ROBO2: variants seen among roughly 807,000 people sequenced by gnomAD.
The protein encoded by ROBO2 is roundabout guidance receptor 2, also known as roundabout homolog 2.
A neutral mutation model predicts 160.8 loss-of-function variants in ROBO2; 53 were observed. The ratio of observed to expected loss-of-function variants is 0.33; its 90% confidence interval spans 0.26 to 0.41. ROBO2 has a LOEUF of 0.41. Among genes scored for constraint, ROBO2 ranks in the 10% least tolerant of loss-of-function variants. The pLI is 1.00. For missense variants in ROBO2, 1,577 were observed against 1,722.4 expected (o/e 0.92, Z 1.49); for synonymous variants, 664 against 611.7 (o/e 1.09, Z -1.26).
chr3:76,430,700 CTG>C (rs557190141), intron 2 of ROBO2, among the ~76,000 whole-genome samples: 132 of 152,080 alleles, frequency 8.7e-4, no homozygotes, highest in African/African-American at 3.1e-3. Flanking sequence ...ATGAAAATCT[CTG>C]TAAAAACAGT....
chr3:77,015,433 C>CTT (rs1274741273), intron 2 of ROBO2, among the ~76,000 whole-genome samples: 1 of 152,160 alleles, frequency 6.6e-6, no homozygotes, highest in African/African-American at 2.4e-5. Flanking sequence ...CATTTTTACT[C>CTT]TGTCTCCTTG....
intron 2 of ROBO2, among the ~76,000 whole-genome samples, chr3:77,397,318 G>T (rs1237059714): frequency 6.6e-6 from 1 of 152,102 alleles, no homozygotes; most frequent in Admixed American, 6.6e-5. Flanking sequence ...ACTCCTTTAT[G>T]GTTTCTAGAA....
chr3:75,945,669 T>G (rs539747977), intron 2 of ROBO2, among the ~76,000 whole-genome samples: 1 of 152,286 alleles, frequency 6.6e-6, no homozygotes, highest in East Asian at 1.9e-4. Flanking sequence ...TTTATCTTTT[T>G]ATATTTTTCA....
intron 2 of ROBO2, among the ~76,000 whole-genome samples, chr3:77,167,348 G>A (rs2079189788): frequency 6.6e-6 from 1 of 152,114 alleles, no homozygotes; most frequent in African/African-American, 2.4e-5. Context: ...AGAACATTCT[G>A]TGTAGAAAAT....
At chr3:77,085,924 A>G (rs1578834919) in intron 1 of ROBO2, among the ~76,000 whole-genome samples, 1 of 152,082 alleles carries the variant, frequency 6.6e-6, no homozygotes, top group African/African-American at 2.4e-5. Context: ...CTCATAAGTC[A>G]TGTTATTGTG....
chr3:75,918,633 C>A (rs1946906238), intron 1 of ROBO2, among the ~76,000 whole-genome samples: 1 of 152,084 alleles, frequency 6.6e-6, no homozygotes, highest in Non-Finnish European at 1.5e-5. Flanking sequence ...GCAATATGGC[C>A]ATTTTCATGA....
chr3:77,022,896 T>A (rs1474496696), intron 2 of ROBO2, among the ~76,000 whole-genome samples: 3 of 152,198 alleles, frequency 2.0e-5, no homozygotes, highest in Admixed American at 6.5e-5. Context: ...ACCTCCGGAA[T>A]GTTTTTTGTC....
intron 6 of ROBO2, among the ~76,000 whole-genome samples, chr3:77,545,054 T>G (rs2092643826): frequency 6.6e-6 from 1 of 152,060 alleles, no homozygotes; most frequent in African/African-American, 2.4e-5. Flanking sequence ...TCTCATTAGC[T>G]TCACCTGTAC....
intron 2 of ROBO2, among the ~76,000 whole-genome samples, chr3:76,405,222 T>C (rs1275164502): frequency 6.6e-6 from 1 of 151,556 alleles, no homozygotes; most frequent in Non-Finnish European, 1.5e-5. Context: ...GCCAGAAGCT[T>C]CTTAAGGTTC....
chr3:76,480,728 C>T (rs180846922), intron 2 of ROBO2, among the ~76,000 whole-genome samples: 124 of 152,186 alleles, frequency 8.1e-4, no homozygotes, highest in African/African-American at 2.8e-3. Context: ...AAAGGTACCA[C>T]CTCCCAATAC....
At chr3:77,571,614 CT>C (rs751039386) in intron 13 of ROBO2, among the ~76,000 whole-genome samples, 1 of 151,942 alleles carries the variant, frequency 6.6e-6, no homozygotes, top group African/African-American at 2.4e-5. Context: ...TAAGACAACT[CT>C]TTTTTTATTC....
intron 2 of ROBO2, among the ~76,000 whole-genome samples, chr3:77,137,039 C>T (rs942971616): frequency 6.6e-6 from 1 of 152,172 alleles, no homozygotes; most frequent in Non-Finnish European, 1.5e-5. Flanking sequence ...CCACTTTGGC[C>T]TCCCAGAGTG....
chr3:76,448,089 C>CA (rs980031575), intron 2 of ROBO2, among the ~76,000 whole-genome samples: 7 of 150,400 alleles, frequency 4.7e-5, no homozygotes, highest in Admixed American at 1.3e-4. Context: ...TGAAATAAAA[C>CA]AAAAAAAGAA....
chr3:76,640,446 A>G (rs1193413079), intron 2 of ROBO2, among the ~76,000 whole-genome samples: 1 of 152,078 alleles, frequency 6.6e-6, no homozygotes, highest in Non-Finnish European at 1.5e-5. Context: ...CCACAGAATC[A>G]CTTGAATCTG....
chr3:77,354,289 C>T (rs559379560), intron 2 of ROBO2, among the ~76,000 whole-genome samples: 1 of 152,130 alleles, frequency 6.6e-6, no homozygotes, highest in Non-Finnish European at 1.5e-5. Context: ...TAATACAGAT[C>T]AACCTAGAGC....
chr3:75,950,971 T>G (rs1445375795), intron 2 of ROBO2, among the ~76,000 whole-genome samples: 1 of 152,110 alleles, frequency 6.6e-6, no homozygotes, highest in Non-Finnish European at 1.5e-5. Flanking sequence ...CTTAAATATA[T>G]AAATAGCTCA....
At chr3:76,331,661 G>A (rs2073491961) in intron 2 of ROBO2, among the ~76,000 whole-genome samples, 1 of 149,272 alleles carries the variant, frequency 6.7e-6, no homozygotes, top group African/African-American at 2.5e-5. Flanking sequence ...ATTAATATTT[G>A]TTATTGTTCT....
rs1705560191 is a variant in ROBO2 at position 76,245,444 on chromosome 3, C to T, written c.109+307842C>T. Among the ~76,000 whole-genome samples the T allele has an allele frequency of 2.6e-5, 4 of 152,054 alleles. No homozygotes were observed. In the South Asian group the frequency reaches 6.2e-4, roughly 24 times the overall value. ...TTAACATGAATTGTTGACAAAAATA[C>T]CTACAGTGGAAGCTCTTTGGGAAAA... On this transcript the variant is annotated intron_variant, in intron 2 of 26. Coordinates refer to the ROBO2 transcript ENST00000487694.
At chr3:77,041,095 G>A (rs1424675037) in intron 1 of ROBO2, among the ~76,000 whole-genome samples, 2 of 152,192 alleles carry the variant, frequency 1.3e-5, no homozygotes, top group Non-Finnish European at 2.9e-5. Flanking sequence ...TAATTAAGGA[G>A]TTGGATAATA....
Sources: gnomAD v4.1 joint callset for allele counts (sites outside exome capture counted in the v4.1 genomes callset) on GRCh38, gnomAD v4.1.1 for gene constraint, MANE v1.5 for transcripts, NCBI Gene and HGNC (gene_info 2026-07-23, HGNC 2026-07-21) for gene names.